The following LINGO2 variants were observed in gnomAD, a reference collection of about 807,000 sequenced individuals.
The protein encoded by LINGO2 is leucine-rich repeat and immunoglobulin-like domain-containing nogo receptor-interacting protein 2.
A neutral mutation model predicts 30.6 loss-of-function variants in LINGO2; 14 were observed. That is an observed-to-expected ratio of 0.46 (90% CI 0.30 to 0.72). LINGO2 has a LOEUF of 0.72. LINGO2 is among the 30% of genes least tolerant of loss of function. The probability of loss-of-function intolerance (pLI) is 0.07; values close to 1 mark genes in which losing one functional copy is unlikely to be tolerated. For missense variants in LINGO2, 729 were observed against 751.7 expected (o/e 0.97, Z 0.35); for synonymous variants, 317 against 288.5 (o/e 1.10, Z -1.00).
At chr9:28,804,496 A>C in the LINGO2 span, among the ~76,000 whole-genome samples, 1 of 151,986 alleles carries the variant, frequency 6.6e-6, no homozygotes, top group South Asian at 2.1e-4. Flanking sequence ...TTTGATTTCC[A>C]AATTCTCAGT....
At chr9:28,661,812 G>C (rs1490271760) in intron 1 of LINGO2, among the ~76,000 whole-genome samples, 1 of 152,118 alleles carries the variant, frequency 6.6e-6, no homozygotes, top group Non-Finnish European at 1.5e-5. Context: ...CAGATGAGCT[G>C]ATTTTCCTTC....
the LINGO2 span, among the ~76,000 whole-genome samples, chr9:28,971,316 C>G: frequency 0.74 from 112,335 of 152,112 alleles, 41,713 homozygotes; most frequent in Middle Eastern, 0.77. Flanking sequence ...GTGGCATAGA[C>G]CACTAAGCAA....
chr9:27,999,866 T>C (rs1821860433), intron 5 of LINGO2, among the ~76,000 whole-genome samples: 1 of 152,074 alleles, frequency 6.6e-6, no homozygotes, highest in Admixed American at 6.5e-5. Flanking sequence ...TTAAAAGTAA[T>C]GGCAAAAACC....
the LINGO2 span, among the ~76,000 whole-genome samples, chr9:29,003,287 G>A: frequency 6.6e-6 from 1 of 151,996 alleles, no homozygotes; most frequent in Non-Finnish European, 1.5e-5. Context: ...TACCGGTGTG[G>A]ATTCACACAA....
chr9:29,139,479 T>G, the LINGO2 span, among the ~76,000 whole-genome samples: 2 of 152,290 alleles, frequency 1.3e-5, no homozygotes, highest in African/African-American at 4.8e-5. Context: ...TTCCACTTTG[T>G]TAACACTTAA....
chr9:28,523,468 C>T (rs1407080925), intron 1 of LINGO2, among the ~76,000 whole-genome samples: 1 of 151,950 alleles, frequency 6.6e-6, no homozygotes, highest in Non-Finnish European at 1.5e-5. Context: ...AATTAGGCAA[C>T]AACAATAAAT....
At chr9:29,090,752 G>A in the LINGO2 span, among the ~76,000 whole-genome samples, 1 of 150,268 alleles carries the variant, frequency 6.7e-6, no homozygotes, top group Non-Finnish European at 1.5e-5. Context: ...GGAATCTAAA[G>A]TCAGAATTTT....
chr9:28,430,107 C>CGTGTGT (rs112852261), intron 2 of LINGO2, among the ~76,000 whole-genome samples: 1,331 of 18,164 alleles, frequency 0.073, 35 homozygotes, highest in East Asian at 0.44. Flanking sequence ...CGCGCGCGCG[C>CGTGTGT]GCGTGTGTGT....
intron 4 of LINGO2, among the ~76,000 whole-genome samples, chr9:28,109,508 C>A (rs896527641): frequency 1.1e-4 from 17 of 152,040 alleles, no homozygotes; most frequent in Non-Finnish European, 1.9e-4. Flanking sequence ...ATCCACTCAC[C>A]CCCAAAACTC....
the LINGO2 span, among the ~76,000 whole-genome samples, chr9:29,055,000 C>T: frequency 6.6e-6 from 1 of 152,216 alleles, no homozygotes; most frequent in East Asian, 1.9e-4. Flanking sequence ...AGGTGGATCA[C>T]CTGAGGTCAG....
intron 3 of LINGO2, among the ~76,000 whole-genome samples, chr9:28,341,123 GTTT>G (rs1051717726): frequency 6.6e-6 from 1 of 151,994 alleles, no homozygotes; most frequent in Non-Finnish European, 1.5e-5. Flanking sequence ...GAAAAAACAA[GTTT>G]TCCGTTGATA....
At chr9:28,975,917 T>C in the LINGO2 span, among the ~76,000 whole-genome samples, 3 of 152,330 alleles carry the variant, frequency 2.0e-5, no homozygotes, top group African/African-American at 2.4e-5. Flanking sequence ...CTTAAGTAAC[T>C]GTAAGTCTTC....
At chr9:28,530,898 T>A (rs546871888) in intron 1 of LINGO2, among the ~76,000 whole-genome samples, 1 of 151,832 alleles carries the variant, frequency 6.6e-6, no homozygotes, top group East Asian at 1.9e-4. Context: ...TAATGTCTCA[T>A]ACCGTTCTTC....
chr9:28,776,040 G>A, the LINGO2 span, among the ~76,000 whole-genome samples: 1 of 152,128 alleles, frequency 6.6e-6, no homozygotes, highest in Admixed American at 6.5e-5. Context: ...TGTTTGATGG[G>A]TTCATCAAAG....
chr9:28,634,827 T>G (rs1344648188), intron 1 of LINGO2, among the ~76,000 whole-genome samples: 1 of 152,142 alleles, frequency 6.6e-6, no homozygotes, highest in Non-Finnish European at 1.5e-5. Flanking sequence ...AGTTAATCTT[T>G]TCCTCTGACT....
the LINGO2 span, among the ~76,000 whole-genome samples, chr9:29,193,540 A>G: frequency 2.0e-5 from 3 of 152,158 alleles, no homozygotes; most frequent in African/African-American, 4.8e-5. Flanking sequence ...ATTAATAATA[A>G]GTATAATTTT....
At chr9:28,052,278 C>T (rs145661375) in intron 4 of LINGO2, among the ~76,000 whole-genome samples, 29 of 152,146 alleles carry the variant, frequency 1.9e-4, no homozygotes, top group African/African-American at 5.8e-4. Flanking sequence ...GAAAACTAGC[C>T]GTGAGAATGG....
chr9:28,839,604 G>A, the LINGO2 span, among the ~76,000 whole-genome samples: 1 of 152,052 alleles, frequency 6.6e-6, no homozygotes, highest in Non-Finnish European at 1.5e-5. Flanking sequence ...CAGGCTGGTG[G>A]TCCCAACATC....
intron 1 of LINGO2, among the ~76,000 whole-genome samples, chr9:28,575,510 C>G (rs115191558): frequency 6.6e-6 from 1 of 151,794 alleles, no homozygotes; most frequent in African/African-American, 2.4e-5. Context: ...AACATAAACA[C>G]TGAGTACACA....
Sources: allele counts gnomAD v4.1 joint callset (sites outside exome capture counted in the v4.1 genomes callset), GRCh38; gene constraint gnomAD v4.1.1; transcripts MANE v1.5; gene names NCBI Gene and HGNC (gene_info 2026-07-23, HGNC 2026-07-21).